The following ARFGEF1 variants were observed in gnomAD, a reference collection of about 807,000 sequenced individuals.
ARFGEF1 encodes brefeldin A-inhibited guanine nucleotide-exchange protein 1.
Under a neutral mutation model 231.0 loss-of-function variants are expected in ARFGEF1, and 42 were observed. That is an observed-to-expected ratio of 0.18 (90% CI 0.14 to 0.24). ARFGEF1 has a LOEUF of 0.24. Among genes scored for constraint, ARFGEF1 ranks in the 10% least tolerant of loss-of-function variants. ARFGEF1 has a pLI of 1.00. For synonymous variants in ARFGEF1, 710 were observed against 732.3 expected (o/e 0.97, Z 0.49); for missense variants, 1,345 against 2,192.0 (o/e 0.61, Z 7.72).
downstream of ARFGEF1, chr8:67,195,662 T>C (rs1221051174): frequency 1.4e-6 from 2 of 1,387,590 alleles, no homozygotes; most frequent in African/African-American, 1.4e-5. Context: ...ACCTTTAATA[T>C]GTCCTACTTT....
chr8:67,202,960 G>T, intron 36 of ARFGEF1, 123 bp downstream of exon 36: 1 of 1,005,132 alleles, frequency 9.9e-7, no homozygotes, highest in Non-Finnish European at 1.4e-6. Flanking sequence ...TACTGTTAAG[G>T]TCAGAGTACA....
At chr8:67,244,258 A>C (rs1300853567) in intron 19 of ARFGEF1, among the ~76,000 whole-genome samples, 1 of 31,472 alleles carries the variant, frequency 3.2e-5, no homozygotes, top group Non-Finnish European at 5.5e-5. Context: ...AAAAAAAAAA[A>C]AAAAAAAAAA....
At chr8:67,194,687 T>TAA (rs546923662), downstream of ARFGEF1, among the ~76,000 whole-genome samples, 21 of 135,616 alleles carry the variant, frequency 1.5e-4, no homozygotes, top group African/African-American at 5.3e-4. Context: ...CCAGGAGAAT[T>TAA]AAAAAAAAAA....
chr8:67,318,816 A>AAG (rs1434423485), intron 1 of ARFGEF1, among the ~76,000 whole-genome samples: 1 of 152,188 alleles, frequency 6.6e-6, no homozygotes, highest in African/African-American at 2.4e-5. Flanking sequence ...TCTCTACAAA[A>AAG]AAGTTTAAAA....
intron 1 of ARFGEF1, among the ~76,000 whole-genome samples, chr8:67,303,646 G>A (rs1239986777): frequency 1.3e-5 from 2 of 151,744 alleles, no homozygotes; most frequent in African/African-American, 2.4e-5. Flanking sequence ...CCTGGGAGGC[G>A]GAGGTTGCAG....
chr8:67,284,693 G>A (rs1045067894), intron 7 of ARFGEF1, among the ~76,000 whole-genome samples: 6 of 152,128 alleles, frequency 3.9e-5, no homozygotes, highest in African/African-American at 1.2e-4. Flanking sequence ...GGTATTGGAC[G>A]TGAAGTAGAA....
intron 1 of ARFGEF1, among the ~76,000 whole-genome samples, chr8:67,333,175 C>A (rs1193623877): frequency 6.6e-6 from 1 of 151,884 alleles, no homozygotes; most frequent in African/African-American, 2.4e-5. Context: ...AGCTGGACTA[C>A]AGGCACGCAC....
intron 7 of ARFGEF1, among the ~76,000 whole-genome samples, chr8:67,282,165 T>C (rs917512664): frequency 7.2e-5 from 11 of 152,088 alleles, no homozygotes; most frequent in African/African-American, 2.7e-4. Context: ...AGGGAGGCCT[T>C]GCACTATGAA....
intron 1 of ARFGEF1, among the ~76,000 whole-genome samples, chr8:67,314,113 C>G (rs1471876412): frequency 6.6e-6 from 1 of 152,176 alleles, no homozygotes; most frequent in Admixed American, 6.5e-5. Context: ...TCACTCCCAC[C>G]TTGCCCCCTG....
At position 67,198,763 on chromosome 8, in the gene ARFGEF1, G is replaced by T; in HGVS notation, c.*171C>A. The T allele has an allele frequency of 7.1e-7, 1 of 1,405,696 alleles. No homozygotes were observed. The highest frequency in any genetic ancestry group is 9.2e-7 in the Non-Finnish European group (1 of 1,084,290). 87.1% of individuals were successfully genotyped at this position (1,405,696 alleles called of 1,614,324 possible). On this transcript the variant is annotated 3_prime_UTR_variant, in exon 39 of 39. Coordinates refer to ENST00000262215, the MANE Select transcript of ARFGEF1 (RefSeq NM_006421.5). ...CCAATATAACACACAAAATCCACCA[G>T]CACTAAAAGGGACTGGAGTGTTGCA...
chr8:67,199,626 C>T (rs1838244751), intron 38 of ARFGEF1: 1 of 154,716 alleles, frequency 6.5e-6, no homozygotes, highest in Non-Finnish European at 1.4e-5. Context: ...CCTTTCCTAC[C>T]CCTTCTGTAC....
At chr8:67,215,616 G>C (rs905474177) in intron 33 of ARFGEF1, among the ~76,000 whole-genome samples, 7 of 152,196 alleles carry the variant, frequency 4.6e-5, no homozygotes, top group Admixed American at 2.6e-4. Flanking sequence ...TGGTGGCAGA[G>C]ATTGGAGTGA....
At chr8:67,195,369 T>G (rs763195750), downstream of ARFGEF1, 1 of 1,603,018 alleles carries the variant, frequency 6.2e-7, no homozygotes, top group East Asian at 2.2e-5. Flanking sequence ...CACGTGTCCC[T>G]TGCCTCCTGT....
At chr8:67,298,835 G>A (rs989848195) in intron 4 of ARFGEF1, among the ~76,000 whole-genome samples, 1 of 152,098 alleles carries the variant, frequency 6.6e-6, no homozygotes. Context: ...GCATGGTCTT[G>A]GCTCACTGCA....
intron 8 of ARFGEF1, 39 bp downstream of exon 8, chr8:67,277,243 T>TA (rs1805352020): frequency 1.9e-6 from 3 of 1,595,984 alleles, no homozygotes; most frequent in Admixed American, 1.7e-5. Flanking sequence ...TTTGTAAGAT[T>TA]AACAGGATTT....
At chr8:67,197,510 T>A (rs1317239738), downstream of ARFGEF1, 1 of 573,512 alleles carries the variant, frequency 1.7e-6, no homozygotes, top group Non-Finnish European at 2.2e-6. Context: ...GTAAGTACAG[T>A]GTAAGGAGGA....
intron 5 of ARFGEF1, chr8:67,177,685 T>G (rs779010996): frequency 1.2e-6 from 2 of 1,610,010 alleles, no homozygotes; most frequent in South Asian, 2.2e-5. Flanking sequence ...TACAGTTGAC[T>G]TAGATGCCAT....
chr8:67,213,512 G>C (rs1445621878), intron 33 of ARFGEF1, among the ~76,000 whole-genome samples: 3 of 152,126 alleles, frequency 2.0e-5, no homozygotes, highest in Non-Finnish European at 2.9e-5. Flanking sequence ...GGAGAAACCT[G>C]GTGTAATGAT....
Position 67,198,698 on chromosome 8 carries a change from A to G in ARFGEF1, c.*236T>C. The G allele has an allele frequency of 7.9e-7, 1 of 1,261,808 alleles. No homozygotes were observed. Among genetic ancestry groups the G allele is most frequent in the Non-Finnish European group, 1.0e-6 (1 of 1,001,882 alleles). 78.2% of individuals were successfully genotyped at this position (1,261,808 alleles called of 1,614,324 possible). The stretch of plus-strand genomic sequence containing the variant: ...AGACAGGGAAGGACCCGTGAGCATG[A>G]GCTGACACTGTTTAAACAGGCTTTC... On this transcript the variant is annotated 3_prime_UTR_variant, in exon 39 of 39. Transcript: ENST00000262215.
Sources: allele counts gnomAD v4.1 joint callset (sites outside exome capture counted in the v4.1 genomes callset), GRCh38; gene constraint gnomAD v4.1.1; transcripts MANE v1.5; gene names NCBI Gene and HGNC (gene_info 2026-07-23, HGNC 2026-07-21).